Variants in CHST6 observed in about 807,000 individuals in gnomAD.
CHST6 encodes carbohydrate sulfotransferase 6, also known as N-acetylglucosamine 6-O-sulfotransferase 5.
For synonymous variants in CHST6, 309 were observed against 276.4 expected, an observed-to-expected ratio of 1.12 and a Z score of -1.17; for missense variants, 698 against 586.2, an observed-to-expected ratio of 1.19 and a Z score of -1.97.
chr16:75,476,263 C>G lies in CHST6; in HGVS notation c.*2378G>C, dbSNP rs1245206452. ...GGGATTAGTGACATTCTTTAAAAGG[C>G]CCTGGAGACTGGGTACAGTGGCTCA... is the stretch of plus-strand genomic sequence containing the variant. On this transcript the variant is annotated 3_prime_UTR_variant, in exon 3 of 3. Transcript: ENST00000332272. The G allele has an allele frequency of 6.6e-6, 1 of 151,908 alleles. No homozygotes were observed. The highest frequency in any genetic ancestry group is 1.5e-5 in the Non-Finnish European group (1 of 68,014). The allele number at this position is 151,908 out of a possible 1,614,324, so 9.4% of individuals were successfully genotyped here. A position where few individuals can be genotyped will look rare whatever the true frequency, so the allele number is the denominator to read the frequency against.
rs1377151522 is a variant in CHST6, at chr16:75,479,759, A to G, written c.70T>C (p.Phe24Leu). Residue 24 changes from phenylalanine (F) to leucine (L), a missense_variant, in exon 3 of 3, where the codon TTT becomes CTT. Coordinates refer to ENST00000332272, the MANE Select transcript of CHST6 (RefSeq NM_021615.5). ...LLLAQTFLLL[F>L]LVSRPGPSSP... is the part of the protein sequence containing the mutation. The stretch of plus-strand genomic sequence containing the variant: ...GAGGGCCCTGGCCGGGAAACCAGAA[A>G]GAGGAGGAGGAAGGTCTGCGCCAGG... 1 of 1,601,052 alleles carries G rather than the reference A, an allele frequency of 6.2e-7. No homozygotes were observed. Among genetic ancestry groups the G allele is most frequent in the Non-Finnish European group, 8.5e-7 (1 of 1,174,480 alleles).
intron 2 of CHST6, among the ~76,000 whole-genome samples, chr16:75,481,168 C>T (rs1205892039): frequency 2.0e-5 from 3 of 151,404 alleles, no homozygotes; most frequent in Non-Finnish European, 2.9e-5. Context: ...CCCTGCTATT[C>T]GGGAGGCTGA....
At chr16:75,484,380 A>C (rs1051835457) in intron 1 of CHST6, among the ~76,000 whole-genome samples, 11 of 151,992 alleles carry the variant, frequency 7.2e-5, no homozygotes, top group African/African-American at 2.7e-4. Flanking sequence ...ACATAAATAC[A>C]TCGAAGAACC....
chr16:75,494,749 C>A (rs564547528), intron 1 of CHST6, among the ~76,000 whole-genome samples, 191 bp downstream of exon 1: 1 of 152,252 alleles, frequency 6.6e-6, no homozygotes, highest in African/African-American at 2.4e-5. Flanking sequence ...CCCAGCAAGA[C>A]ACTTCCAAAC....
At position 75,479,360 on chromosome 16, in the gene CHST6, A is replaced by G. The variant is rs415610; in HGVS notation, c.469T>C (p.Ser157Pro). 9 of 1,612,576 alleles carry G rather than the reference A, an allele frequency of 5.6e-6. No homozygotes were observed. The highest frequency in any genetic ancestry group is 1.7e-5 in the Admixed American group (1 of 59,992). Residue 157 changes from serine to proline, a missense_variant, in exon 3 of 3, where the codon TCC (serine) becomes CCC (proline). Ser to Pro is a moderately conservative substitution (Grantham distance 74). Transcript: ENST00000332272. ...CAGGCCTCCCGGGCCAGGGTGAAGGACTGCCGCGCGCACAGTGGCTTGCAC... is the reference window on the plus strand; with the variant it reads ...CAGGCCTCCCGGGCCAGGGTGAAGGGCTGCCGCGCGCACAGTGGCTTGCAC... The part of the protein sequence containing the change: ...AVCKPLCARQ[S>P]FTLAREACRS...
At chr16:75,480,726 C>T (rs1008958099) in intron 2 of CHST6, among the ~76,000 whole-genome samples, 1 of 151,016 alleles carries the variant, frequency 6.6e-6, no homozygotes, top group Non-Finnish European at 1.5e-5. Context: ...GTCAGAAGTT[C>T]AAGACCAGCT....
In CHST6 at chr16:75,478,236, C is replaced by T; in HGVS notation, c.*405G>A. The T allele has an allele frequency of 3.0e-6, 1 of 338,018 alleles. No individual in the cohort carries two copies. Among genetic ancestry groups the T allele is most frequent in the South Asian group, 2.6e-5 (1 of 38,606 alleles). The allele number at this position is 338,018 out of a possible 1,614,324, so 20.9% of individuals were successfully genotyped here. ...TGTGCATATGTATGTGATGTACAGACCTCTGGAGCCATTTCACCACAGTGC... is the reference window on the plus strand; with the variant it reads ...TGTGCATATGTATGTGATGTACAGATCTCTGGAGCCATTTCACCACAGTGC... On this transcript the variant is annotated 3_prime_UTR_variant, in exon 3 of 3. Transcript: ENST00000332272.
rs199971460 is a variant in CHST6 at position 75,479,116 on chromosome 16, C to T, written c.713G>A (p.Gly238Asp). 33 of 1,605,260 alleles carry T rather than the reference C, an allele frequency of 2.1e-5. 1 individual carries two copies. The Admixed American group carries it at 4.7e-4, about 23-fold the overall frequency. The change falls in exon 3 of 3, where the codon GGC becomes GAC. Residue 238 changes from glycine to aspartate, a missense_variant. Gly to Asp is a moderately conservative substitution (Grantham distance 94). Transcript: ENST00000332272. ...GCACACCTCGCGCACCACGCGCAGG[C>T]CGGGGTCGGCCTCCACCCACGTGCC... Reference protein sequence around the residue: ...TNGTWVEADPGLRVVREVCRS... With the variant: ...TNGTWVEADPDLRVVREVCRS...
At chr16:75,491,180 AAAAAAAAAAAATATATATAT>A (rs2080249789) in intron 1 of CHST6, among the ~76,000 whole-genome samples, 1 of 81,684 alleles carries the variant, frequency 1.2e-5, no homozygotes, top group African/African-American at 5.0e-5. Context: ...AAAAAAAAAA[AAAAAAAAAAAATATATATAT>A]ATATATATAT....
chr16:75,479,087 T>G lies in CHST6; in HGVS notation c.742A>C (p.Ser248Arg). The change falls in exon 3 of 3, where the codon AGC (serine) becomes CGC (arginine). Residue 248 changes from serine (S) to arginine (R), a missense_variant. Ser to Arg is a moderately radical substitution (Grantham distance 110). Coordinates refer to ENST00000332272, the MANE Select transcript of CHST6 (RefSeq NM_021615.5). ...GCGGCCTCGGCGATGCGTACGTGGC[T>G]ACGGCACACCTCGCGCACCACGCGC... Reference protein sequence around the residue: ...GLRVVREVCRSHVRIAEAATL... With the variant: ...GLRVVREVCRRHVRIAEAATL... 1 of 1,605,574 alleles carries G rather than the reference T, an allele frequency of 6.2e-7. No homozygotes were observed. Among genetic ancestry groups the G allele is most frequent in the Non-Finnish European group, 8.5e-7 (1 of 1,179,104 alleles).
At chr16:75,489,803 T>C (rs2080237220) in intron 1 of CHST6, among the ~76,000 whole-genome samples, 1 of 151,894 alleles carries the variant, frequency 6.6e-6, no homozygotes, top group Non-Finnish European at 1.5e-5. Flanking sequence ...TAAGAATAAA[T>C]AAATTTAAGA....
At chr16:75,489,398 CA>C (rs901241278) in intron 1 of CHST6, among the ~76,000 whole-genome samples, 2,959 of 58,114 alleles carry the variant, frequency 0.051, 22 homozygotes, top group African/African-American at 0.076. Context: ...GACTCTGTCT[CA>C]AAAAAAAAAA....
In CHST6 at chr16:75,479,144, T is replaced by C; in HGVS notation, c.685A>G (p.Asn229Asp). ...GGGTCGGCCTCCACCCACGTGCCGT[T>C]GGTGCCCAGCACGATGCCGTTGTCA... ...ARDNGIVLGT[N>D]GTWVEADPGL... The change falls in exon 3 of 3, where the codon AAC becomes GAC. Residue 229 changes from asparagine to aspartate, a missense_variant. By Grantham distance (23) the Asn-to-Asp change is conservative (BLOSUM62 1). Coordinates refer to ENST00000332272, the MANE Select transcript of CHST6 (RefSeq NM_021615.5). The C allele has an allele frequency of 6.2e-7, 1 of 1,606,998 alleles. No individual in the cohort carries two copies. Among genetic ancestry groups the C allele is most frequent in the East Asian group, 2.2e-5 (1 of 44,828 alleles).
chr16:75,479,026 T>C lies in CHST6; in HGVS notation c.803A>G (p.Tyr268Cys), dbSNP rs72547539. 1.6e-5 allele frequency: 25 copies of C among 1,610,176 alleles called. No homozygotes were observed. The East Asian group carries it at 5.4e-4, about 34-fold the overall frequency. ...CAGGTCCTCGAAGCGCACCAGGCGG[T>C]AGCGGCCGCGCAGAAAGGGTGGCGG... ...LKPPPFLRGR[Y>C]RLVRFEDLAR... The change falls in exon 3 of 3, where the codon TAC becomes TGC. Residue 268 changes from tyrosine (Y) to cysteine (C), a missense_variant. Physicochemically the swap from Tyr to Cys is radical, Grantham distance 194 (BLOSUM62 -2). Coordinates refer to ENST00000332272, the MANE Select transcript of CHST6 (RefSeq NM_021615.5).
In CHST6 at chr16:75,475,112, C is replaced by T. The variant is rs563801302; in HGVS notation, c.*3529G>A. On this transcript the variant is annotated 3_prime_UTR_variant, in exon 3 of 3. Transcript: ENST00000332272. ...TGCCTGCGCCCAGAAATAATGTTCT[C>T]TACCCATTCACAAGGGCATAACCCG... 38 of 156,792 alleles carry T rather than the reference C, an allele frequency of 2.4e-4. No individual in the cohort carries two copies. The highest frequency in any genetic ancestry group is 3.1e-3 in the Middle Eastern group (1 of 320). The allele number at this position is 156,792 out of a possible 1,614,324, so 9.7% of individuals were successfully genotyped here. A position where few individuals can be genotyped will look rare whatever the true frequency, so the allele number is the denominator to read the frequency against.
intron 1 of CHST6, among the ~76,000 whole-genome samples, chr16:75,484,324 G>A (rs189280282): frequency 2.0e-5 from 3 of 152,228 alleles, no homozygotes; most frequent in Admixed American, 1.3e-4. Context: ...GTGACAGAGC[G>A]AGACTCCGTC....
At position 75,472,093 on chromosome 16, in the gene CHST6, G is replaced by A. The variant is rs1171316121; in HGVS notation, c.*6548C>T. 1.3e-5 allele frequency: 2 copies of A among 152,282 alleles called. No homozygotes were observed. The highest frequency in any genetic ancestry group is 2.4e-5 in the African/African-American group (1 of 41,552). 9.4% of individuals were successfully genotyped at this position (152,282 alleles called of 1,614,324 possible). On this transcript the variant is annotated 3_prime_UTR_variant, in exon 3 of 3. Transcript: ENST00000332272. ...TTTATCACTGTAGCAGGACAAAGTC[G>A]TTTCAACAAGACATAAAATCCACTG... is the stretch of plus-strand genomic sequence containing the variant.
rs1482350971 is a variant in CHST6 at position 75,491,916 on chromosome 16, G to GCACACT, written c.-92+3023_-92+3024insAGTGTG. On this transcript the variant is annotated intron_variant, in intron 1 of 2. Transcript: ENST00000332272. ...CCGCTCTGCACTAAAAGGTGTCAGAGCTCCCATGCACACTCTCAACACCAG... is the reference window on the plus strand; with the variant it reads ...CCGCTCTGCACTAAAAGGTGTCAGAGCACACTCTCCCATGCACACTCTCAACACCAG... Among the ~76,000 whole-genome samples, 63 of 152,326 alleles carry GCACACT rather than the reference G, an allele frequency of 4.1e-4. No individual in the cohort carries two copies. The East Asian group carries it at 0.012, about 28-fold the overall frequency.
Position 75,478,801 on chromosome 16 carries a change from C to T in CHST6, c.1028G>A (p.Arg343His). ...WRHALPFAKI[R>H]RVQELCAGAL... ...ACCAGCGCACAGTTCCTGCACGCGG[C>T]GGATCTTGGCAAAGGGCAGCGCATG... Residue 343 changes from arginine to histidine, a missense_variant, in exon 3 of 3, where the codon CGC (arginine) becomes CAC (histidine). Transcript: ENST00000332272. The T allele has an allele frequency of 3.7e-6, 6 of 1,613,476 alleles. No homozygotes were observed. The highest frequency in any genetic ancestry group is 4.2e-6 in the Non-Finnish European group (5 of 1,179,982).
Sources: gnomAD v4.1 joint callset for allele counts (sites outside exome capture counted in the v4.1 genomes callset) on GRCh38, gnomAD v4.1.1 for gene constraint, MANE v1.5 for transcripts, NCBI Gene and HGNC (gene_info 2026-07-23, HGNC 2026-07-21) for gene names.